Variants in ZNF365 observed in about 807,000 individuals in gnomAD.
ZNF365 encodes the protein zinc finger protein 365.
In ZNF365, 22 loss-of-function variants were observed where a neutral mutation model predicts 35.0. That is an observed-to-expected ratio of 0.63 (90% CI 0.45 to 0.90). ZNF365 has a LOEUF of 0.90. ZNF365 is among the 40% of genes least tolerant of loss of function. ZNF365 has a pLI of 0.00. For synonymous variants in ZNF365, 188 were observed against 196.2 expected, an observed-to-expected ratio of 0.96 and a Z score of 0.35; for missense variants, 448 against 500.3, an observed-to-expected ratio of 0.90 and a Z score of 1.00.
chr10:62,396,618 C>T (rs1303426292), intron 3 of ZNF365, among the ~76,000 whole-genome samples: 1 of 152,188 alleles, frequency 6.6e-6, no homozygotes, highest in African/African-American at 2.4e-5. Flanking sequence ...GAGGTCCCAG[C>T]AGGGCCCATT....
intron 3 of ZNF365, among the ~76,000 whole-genome samples, chr10:62,449,315 A>G (rs1471965322): frequency 6.6e-6 from 1 of 152,146 alleles, no homozygotes; most frequent in Non-Finnish European, 1.5e-5. Context: ...TTTGGGGGGC[A>G]AGGGAAAGGC....
At chr10:62,376,066 A>C in intron 1 of ZNF365, 115 bp from the exon 2 acceptor site, 1 of 1,119,186 alleles carries the variant, frequency 8.9e-7, no homozygotes, top group Admixed American at 2.3e-5. Flanking sequence ...ATAAAATATT[A>C]TGTGCAAAAG....
chr10:62,478,007 C>T (rs1284399326), intron 4 of ZNF365, among the ~76,000 whole-genome samples: 1 of 152,218 alleles, frequency 6.6e-6, no homozygotes, highest in East Asian at 1.9e-4. Context: ...CCTTTTCCCA[C>T]AAGCTGAACA....
At chr10:62,390,867 G>A (rs1839616126) in intron 3 of ZNF365, among the ~76,000 whole-genome samples, 1 of 152,182 alleles carries the variant, frequency 6.6e-6, no homozygotes, top group African/African-American at 2.4e-5. Context: ...GAGAAGAAGA[G>A]AAGGTACAGT....
intron 3 of ZNF365, among the ~76,000 whole-genome samples, chr10:62,438,438 T>G (rs1036841973): frequency 6.6e-6 from 1 of 152,112 alleles, no homozygotes; most frequent in African/African-American, 2.4e-5. Flanking sequence ...TACACCCGCG[T>G]TGGCCTCCCA....
At chr10:62,376,086 A>C in intron 1 of ZNF365, 95 bp from the exon 2 acceptor site, 1 of 1,389,878 alleles carries the variant, frequency 7.2e-7, no homozygotes, top group Non-Finnish European at 9.8e-7. Context: ...GTCACTTGAA[A>C]CCAAAAAGCC....
At chr10:62,404,400 A>G (rs141362817), downstream of ZNF365, among the ~76,000 whole-genome samples, 352 of 152,370 alleles carry the variant, frequency 2.3e-3, 2 homozygotes, top group African/African-American at 8.1e-3. Context: ...GCAGATGTCA[A>G]ATTACTAAAT....
intron 4 of ZNF365, among the ~76,000 whole-genome samples, chr10:62,473,484 G>A (rs1412711280): frequency 2.0e-5 from 3 of 152,196 alleles, no homozygotes; most frequent in Non-Finnish European, 2.9e-5. Context: ...TATGAGTTTC[G>A]ATTTGGGGGC....
chr10:62,424,978 G>T (rs573699129), intron 3 of ZNF365, among the ~76,000 whole-genome samples: 1 of 152,258 alleles, frequency 6.6e-6, no homozygotes, highest in African/African-American at 2.4e-5. Flanking sequence ...GCAGGCTTCA[G>T]CAGGGTCTTC....
chr10:62,428,122 C>G (rs1397094335), intron 3 of ZNF365, among the ~76,000 whole-genome samples: 1 of 152,086 alleles, frequency 6.6e-6, no homozygotes, highest in East Asian at 1.9e-4. Flanking sequence ...TGTCAGGACA[C>G]AAATATTATG....
chr10:62,401,360 A>G lies in ZNF365; in HGVS notation c.*1571A>G, dbSNP rs1405638053. 5 of 985,440 alleles carry G rather than the reference A, an allele frequency of 5.1e-6. No homozygotes were observed. The highest frequency in any genetic ancestry group is 1.7e-5 in the African/African-American group (1 of 57,240). 61.0% of individuals were successfully genotyped at this position (985,440 alleles called of 1,614,324 possible). A position where few individuals can be genotyped will look rare whatever the true frequency, so the allele number is the denominator to read the frequency against. On this transcript the variant is annotated 3_prime_UTR_variant, in exon 5 of 5. Coordinates refer to ENST00000395254, the MANE Select transcript of ZNF365 (RefSeq NM_014951.3). ...TAAGCATCAAATTAGCAGCGCATTA[A>G]AAATAGGAAATAAAGCAGTTGCTTA...
At chr10:62,452,584 G>A (rs1475116896) in intron 3 of ZNF365, among the ~76,000 whole-genome samples, 1 of 152,102 alleles carries the variant, frequency 6.6e-6, no homozygotes, top group African/African-American at 2.4e-5. Flanking sequence ...AATTCTATCT[G>A]ATAAAAATGA....
chr10:62,455,722 A>G (rs1264930863), intron 3 of ZNF365, among the ~76,000 whole-genome samples: 3 of 152,180 alleles, frequency 2.0e-5, no homozygotes, highest in Middle Eastern at 3.2e-3. Flanking sequence ...GCTGGGCACA[A>G]AATATAAGAA....
intron 3 of ZNF365, among the ~76,000 whole-genome samples, chr10:62,432,133 G>A (rs1008744838): frequency 6.6e-6 from 1 of 152,148 alleles, no homozygotes. Context: ...CAGCAGTATT[G>A]TTCATGAGTG....
chr10:62,455,067 G>T (rs1840741286), intron 3 of ZNF365, among the ~76,000 whole-genome samples: 1 of 152,224 alleles, frequency 6.6e-6, no homozygotes. Flanking sequence ...AGGCAGGCAA[G>T]GTTAGAATAA....
intron 4 of ZNF365, among the ~76,000 whole-genome samples, chr10:62,477,033 T>C (rs1341274468): frequency 1.3e-5 from 2 of 152,226 alleles, no homozygotes; most frequent in Non-Finnish European, 1.5e-5. Context: ...CATCTCGTTA[T>C]TGAGTTCATT....
intron 1 of ZNF365, chr10:62,375,950 A>G: frequency 2.0e-6 from 1 of 498,162 alleles, no homozygotes; most frequent in East Asian, 3.4e-5. Context: ...CACCACTGCC[A>G]TTGTGGTTTA....
At chr10:62,379,825 T>G (rs1425987161) in intron 2 of ZNF365, among the ~76,000 whole-genome samples, 1 of 152,184 alleles carries the variant, frequency 6.6e-6, no homozygotes, top group African/African-American at 2.4e-5. Context: ...GGGAAGACCG[T>G]ATTTTGCCAA....
intron 4 of ZNF365, among the ~76,000 whole-genome samples, chr10:62,473,460 C>T (rs1589474798): frequency 6.6e-6 from 1 of 152,200 alleles, no homozygotes. Context: ...CTGAGAGGCG[C>T]CTAGTATCCT....
Sources: gnomAD v4.1 joint callset for allele counts (sites outside exome capture counted in the v4.1 genomes callset) on GRCh38, gnomAD v4.1.1 for gene constraint, MANE v1.5 for transcripts, NCBI Gene and HGNC (gene_info 2026-07-23, HGNC 2026-07-21) for gene names.